The following TNC variants were observed in gnomAD, a reference collection of about 807,000 sequenced individuals.
TNC encodes tenascin C.
In TNC, 109 loss-of-function variants were observed where a neutral mutation model predicts 202.4. The observed-to-expected ratio is 0.54, with a 90% CI of 0.46 to 0.63. The LOEUF is 0.63. Among genes scored for constraint, TNC ranks in the 30% least tolerant of loss-of-function variants. The pLI is 0.00. For missense variants in TNC, 2,756 were observed against 2,833.3 expected, an observed-to-expected ratio of 0.97 and a Z score of 0.62; for synonymous variants, 1,007 against 1,089.7, an observed-to-expected ratio of 0.92 and a Z score of 1.50.
In TNC at chr9:115,067,552, G is replaced by A. The variant is rs1001486994; in HGVS notation, c.3215-2633C>T. Among the ~76,000 whole-genome samples, 9 of 152,224 alleles carry A rather than the reference G, an allele frequency of 5.9e-5. No homozygotes were observed. In the South Asian group the frequency reaches 1.5e-3, roughly 25 times the overall value. ...TGGGAAAGTTACCTTACGGGGGGTG[G>A]GGGAATGAGATTGTGGATTGCCCAT... On this transcript the variant is annotated intron_variant, in intron 10 of 27. Transcript: ENST00000350763.
Position 115,029,385 on chromosome 9 carries a change from C to T in TNC, c.6144G>A (p.Gly2048=), listed in dbSNP as rs79563958. The change falls in exon 25 of 28, where the codon GGG becomes GGA. Residue 2048 remains glycine (G), a synonymous_variant. Transcript: ENST00000350763. ...CAAGCCAGAATTCTTCTCTGCGGTC[C>T]CCAAATCCAGCAGCATATGCCTTCC... ...QNWKAYAAGF[G]DRREEFWLGL... 18,795 of 1,614,002 alleles carry T rather than the reference C, an allele frequency of 0.012. 793 individuals carry two copies. The highest frequency in any genetic ancestry group is 0.11 in the Admixed American group (6,682 of 60,016).
intron 15 of TNC, chr9:115,055,596 G>A (rs1193092169): frequency 6.6e-6 from 1 of 152,450 alleles, no homozygotes; most frequent in Non-Finnish European, 1.5e-5. Context: ...GACACCCCAG[G>A]CACAGACAGC....
chr9:115,115,887 G>A lies in TNC; in HGVS notation c.-137+2095C>T, dbSNP rs140078445. On this transcript the variant is annotated intron_variant, in intron 1 of 27. Transcript: ENST00000350763. ...CTGCATTTACCTGTCATATACTGGG[G>A]GTTTGCCCTAAATTCATGTAATGAA... Among the ~76,000 whole-genome samples the A allele has an allele frequency of 2.8e-3, 430 of 152,070 alleles. 1 individual carries two copies. The highest frequency in any genetic ancestry group is 1.0e-2 in the African/African-American group (413 of 41,482).
At chr9:115,026,446 A>T in intron 26 of TNC, 88 bp downstream of exon 26, 2 of 1,390,866 alleles carry the variant, frequency 1.4e-6, no homozygotes, top group Non-Finnish European at 2.0e-6. Flanking sequence ...TGGATTAATG[A>T]GGAAGGAATG....
intron 1 of TNC, among the ~76,000 whole-genome samples, chr9:115,095,204 A>ATG (rs201174311): frequency 0.35 from 52,689 of 151,720 alleles, 10,494 homozygotes; most frequent in South Asian, 0.47. Flanking sequence ...GCATGAGATA[A>ATG]TGTATGCGAA....
chr9:115,111,627 T>C (rs1353321804), intron 1 of TNC, among the ~76,000 whole-genome samples: 2 of 151,944 alleles, frequency 1.3e-5, no homozygotes, highest in Non-Finnish European at 1.5e-5. Context: ...GCCAGGCTGG[T>C]CTCGAACTCC....
chr9:115,075,982 C>T, intron 9 of TNC, 50 bp downstream of exon 9: 3 of 1,535,036 alleles, frequency 2.0e-6, no homozygotes, highest in Non-Finnish European at 2.7e-6. Flanking sequence ...GACTCTGTCT[C>T]ATCTGCCCAG....
intron 20 of TNC, among the ~76,000 whole-genome samples, chr9:115,036,499 A>AT (rs956589175): frequency 6.6e-5 from 10 of 151,856 alleles, no homozygotes; most frequent in Non-Finnish European, 1.5e-4. Context: ...GGGTCAGGAG[A>AT]TTTTTTTCCC....
chr9:115,059,752 T>C lies in TNC; in HGVS notation c.4284A>G (p.Val1428=), dbSNP rs759894082. The part of the protein sequence containing the change: ...YGVIRGYRTP[V]LSAEASTAKE... ...TACCTGTGGAGGCCTCAGCAGAGAG[T>C]ACTGGTGTTCTATAGCCCCGGATCA... The change falls in exon 14 of 28, where the codon GTA becomes GTG. Residue 1428 remains valine (V), a synonymous_variant. Coordinates refer to ENST00000350763, the MANE Select transcript of TNC (RefSeq NM_002160.4). The C allele has an allele frequency of 6.2e-7, 1 of 1,611,030 alleles. No individual in the cohort carries two copies. Among genetic ancestry groups the C allele is most frequent in the Non-Finnish European group, 8.5e-7 (1 of 1,178,106 alleles).
Position 115,073,632 on chromosome 9 carries a change from C to T in TNC, c.3185G>A (p.Ser1062Asn), listed in dbSNP as rs1001279782. The change falls in exon 10 of 28, where the codon AGC (serine) becomes AAC (asparagine). Residue 1062 changes from serine (S) to asparagine (N), a missense_variant. Ser to Asn is a conservative substitution (Grantham distance 46, BLOSUM62 1). Transcript: ENST00000350763. Reference protein sequence around the residue: ...LLTAEKGRHKSKPARVKASTE... With the variant: ...LLTAEKGRHKNKPARVKASTE... ...GGATGCCTTCACACGTGCGGGCTTG[C>T]TCTTGTGTCTGCCTTTCTCGGCTGT... 5.0e-6 allele frequency: 8 copies of T among 1,614,050 alleles called. No individual in the cohort carries two copies. Among genetic ancestry groups the T allele is most frequent in the African/African-American group, 1.3e-5 (1 of 74,934 alleles).
At chr9:115,062,600 C>A (rs1427246928) in intron 13 of TNC, among the ~76,000 whole-genome samples, 1 of 124,974 alleles carries the variant, frequency 8.0e-6, no homozygotes, top group Non-Finnish European at 1.7e-5. Context: ...AAGAATGAGA[C>A]CCTGACTCAA....
In TNC at chr9:115,020,644, A is replaced by G. The variant is rs1174182345; in HGVS notation, c.*513T>C. On this transcript the variant is annotated 3_prime_UTR_variant, in exon 28 of 28. Transcript: ENST00000350763. The stretch of plus-strand genomic sequence containing the variant: ...ATCCTTAGTTTTCATCATCATCATC[A>G]TCATTATTATATTAATAATATTAAT... The G allele has an allele frequency of 5.5e-6, 2 of 365,998 alleles. No individual in the cohort carries two copies. The highest frequency in any genetic ancestry group is 6.3e-5 in the Admixed American group (2 of 31,788). 22.7% of individuals were successfully genotyped at this position (365,998 alleles called of 1,614,324 possible).
chr9:115,065,771 G>A (rs188235290), intron 10 of TNC, among the ~76,000 whole-genome samples: 196 of 151,978 alleles, frequency 1.3e-3, no homozygotes, highest in South Asian at 6.5e-3. Context: ...GTGTGGTGGC[G>A]TGAGCCTGTA....
chr9:115,070,158 A>G (rs1339545782), intron 10 of TNC, among the ~76,000 whole-genome samples: 2 of 152,290 alleles, frequency 1.3e-5, no homozygotes, highest in African/African-American at 4.8e-5. Flanking sequence ...TACTTGCATA[A>G]TATCAAGGCA....
intron 25 of TNC, among the ~76,000 whole-genome samples, chr9:115,027,264 G>T (rs1024737690): frequency 9.2e-5 from 14 of 152,168 alleles, no homozygotes; most frequent in African/African-American, 3.4e-4. Context: ...GATCCAAGGA[G>T]ATAAGGTGGT....
rs150265065 is a variant in TNC at position 115,090,711 on chromosome 9, C to T, written c.308G>A (p.Arg103His). 82 of 1,614,126 alleles carry T rather than the reference C, an allele frequency of 5.1e-5. 1 individual carries two copies. In the African/African-American group the frequency reaches 8.9e-4, roughly 18 times the overall value. The change falls in exon 2 of 28, where the codon CGC becomes CAC. Residue 103 changes from arginine to histidine, a missense_variant. Around this residue, in one of 2 missense-constraint regions of TNC, gnomAD observed 2,559 missense variants for 2,546.0 expected, o/e 1.01. Coordinates refer to ENST00000350763, the MANE Select transcript of TNC (RefSeq NM_002160.4). Reference protein sequence around the residue: ...DGENQIVFTHRINIPRRACGC... With the variant: ...DGENQIVFTHHINIPRRACGC... The stretch of plus-strand genomic sequence containing the variant: ...ACAGGCCCGGCGGGGGATGTTGATG[C>T]GATGTGTGAAGACAATCTGGTTTTC...
intron 15 of TNC, among the ~76,000 whole-genome samples, chr9:115,053,938 G>A (rs1297475515): frequency 6.6e-6 from 1 of 152,150 alleles, no homozygotes; most frequent in Non-Finnish European, 1.5e-5. Context: ...TCTCTTTTCT[G>A]TTAAAGTCTA....
chr9:115,021,420 C>CTT (rs1164386479), intron 27 of TNC, among the ~76,000 whole-genome samples, 153 bp from the exon 28 acceptor site: 1 of 152,196 alleles, frequency 6.6e-6, no homozygotes, highest in Non-Finnish European at 1.5e-5. Flanking sequence ...ACAGCTGCCT[C>CTT]TTGCCTATCT....
At chr9:115,029,241 C>T in intron 25 of TNC, 119 bp downstream of exon 25, 1 of 794,784 alleles carries the variant, frequency 1.3e-6, no homozygotes, top group South Asian at 1.6e-5. Context: ...CTGTGTCTGC[C>T]ACCAGAAGTA....
Sources: allele counts gnomAD v4.1 joint callset (sites outside exome capture counted in the v4.1 genomes callset), GRCh38; gene constraint gnomAD v4.1.1; regional missense constraint gnomAD v4.1.1; transcripts MANE v1.5; gene names NCBI Gene and HGNC (gene_info 2026-07-23, HGNC 2026-07-21).